Variants in BTBD9 observed in about 807,000 individuals in gnomAD.
BTBD9 encodes BTB domain containing 9.
In BTBD9, 49 loss-of-function variants were observed where a neutral mutation model predicts 64.3. The ratio of observed to expected loss-of-function variants is 0.76; its 90% CI spans 0.61 to 0.97. The LOEUF (loss-of-function observed/expected upper bound fraction) is 0.97, where lower values mean the gene tolerates loss of function less well. BTBD9 is among the 50% of genes least tolerant of loss of function. The probability of loss-of-function intolerance (pLI) is 0.00; values close to 1 mark genes in which losing one functional copy is unlikely to be tolerated. For missense variants in BTBD9, 598 were observed against 762.1 expected (o/e 0.78, Z 2.53); for synonymous variants, 260 against 274.7 (o/e 0.95, Z 0.53).
chr6:38,205,306 A>G (rs1173236295), intron 9 of BTBD9, among the ~76,000 whole-genome samples: 1 of 152,190 alleles, frequency 6.6e-6, no homozygotes, highest in Non-Finnish European at 1.5e-5. Flanking sequence ...GAAGATCTTA[A>G]AAGTTCTGGA....
At chr6:38,212,830 G>A (rs1762880388) in intron 9 of BTBD9, among the ~76,000 whole-genome samples, 1 of 152,102 alleles carries the variant, frequency 6.6e-6, no homozygotes, top group Non-Finnish European at 1.5e-5. Context: ...GGCTCCGTGT[G>A]GCTGTCCAAT....
At chr6:38,199,797 G>C (rs996264645) in intron 9 of BTBD9, among the ~76,000 whole-genome samples, 10 of 152,210 alleles carry the variant, frequency 6.6e-5, no homozygotes, top group Admixed American at 1.3e-4. Flanking sequence ...ATAACCCTCA[G>C]TGAAGCCCAC....
At chr6:38,329,128 ATG>A (rs1428787808) in intron 7 of BTBD9, among the ~76,000 whole-genome samples, 1 of 151,738 alleles carries the variant, frequency 6.6e-6, no homozygotes, top group Non-Finnish European at 1.5e-5. Flanking sequence ...AGAAATTTTG[ATG>A]TGTGAGTGTG....
intron 6 of BTBD9, among the ~76,000 whole-genome samples, chr6:38,538,297 A>C (rs1774114311): frequency 6.6e-6 from 1 of 152,186 alleles, no homozygotes; most frequent in African/African-American, 2.4e-5. Context: ...CAAGAGACAG[A>C]ATTGCAAATT....
At chr6:38,552,423 G>A (rs755898255) in intron 6 of BTBD9, among the ~76,000 whole-genome samples, 21 of 152,144 alleles carry the variant, frequency 1.4e-4, no homozygotes, top group Non-Finnish European at 2.2e-4. Context: ...CTAACTCATC[G>A]CAAGATACTC....
chr6:38,501,806 A>AAGG (rs58107717), intron 6 of BTBD9, among the ~76,000 whole-genome samples: 131,631 of 151,970 alleles, frequency 0.87, 57,328 homozygotes, highest in South Asian at 0.91. Flanking sequence ...GCCAGACATT[A>AAGG]AGATTTGCAA....
chr6:38,603,227 T>C (rs1308128699), intron 1 of BTBD9, among the ~76,000 whole-genome samples: 2 of 152,156 alleles, frequency 1.3e-5, no homozygotes, highest in Non-Finnish European at 2.9e-5. Context: ...TACACAATTA[T>C]TAGTTTTGGA....
At chr6:38,317,051 A>C (rs1031954716) in intron 7 of BTBD9, among the ~76,000 whole-genome samples, 9 of 152,054 alleles carry the variant, frequency 5.9e-5, no homozygotes, top group African/African-American at 1.7e-4. Context: ...GCTGGAGTGC[A>C]ATGGTGTGAT....
At chr6:38,535,256 C>T (rs576204946) in intron 6 of BTBD9, among the ~76,000 whole-genome samples, 19 of 151,902 alleles carry the variant, frequency 1.3e-4, no homozygotes, top group Admixed American at 9.8e-4. Flanking sequence ...CCATTTACAA[C>T]AGGTACACAT....
At chr6:38,291,704 G>A (rs934836281) in intron 7 of BTBD9, among the ~76,000 whole-genome samples, 3 of 152,102 alleles carry the variant, frequency 2.0e-5, no homozygotes, top group Non-Finnish European at 4.4e-5. Flanking sequence ...TAGCATGAAG[G>A]GGTGTTGAAT....
intron 2 of BTBD9, among the ~76,000 whole-genome samples, chr6:38,596,440 G>T (rs1034211624): frequency 6.6e-6 from 1 of 151,976 alleles, no homozygotes; most frequent in Non-Finnish European, 1.5e-5. Context: ...AATTATTTTT[G>T]AAAGAGGACA....
chr6:38,465,810 T>C (rs1770356889), intron 6 of BTBD9, among the ~76,000 whole-genome samples: 1 of 135,752 alleles, frequency 7.4e-6, no homozygotes, highest in African/African-American at 2.7e-5. Flanking sequence ...CTTAGGTAAT[T>C]TTTATCTTTT....
At chr6:38,248,918 A>G (rs9366950) in intron 9 of BTBD9, among the ~76,000 whole-genome samples, 19,510 of 152,252 alleles carry the variant, frequency 0.13, 1,856 homozygotes, top group East Asian at 0.45. Context: ...ATACCGAAGC[A>G]AACTGAGCAG....
At chr6:38,372,731 G>A (rs143835688) in intron 6 of BTBD9, among the ~76,000 whole-genome samples, 35 of 152,218 alleles carry the variant, frequency 2.3e-4, no homozygotes, top group African/African-American at 8.2e-4. Flanking sequence ...CCATTCAGAC[G>A]ACATAAGCCT....
intron 1 of BTBD9, among the ~76,000 whole-genome samples, chr6:38,599,800 AC>A (rs1562402048): frequency 6.6e-6 from 1 of 152,200 alleles, no homozygotes; most frequent in Non-Finnish European, 1.5e-5. Context: ...GCTTTAGTTA[AC>A]CTACCACCAT....
At chr6:38,525,404 C>A (rs1018952049) in intron 6 of BTBD9, among the ~76,000 whole-genome samples, 4 of 152,166 alleles carry the variant, frequency 2.6e-5, no homozygotes, top group African/African-American at 9.7e-5. Flanking sequence ...CAGGTAGTAT[C>A]TTTATAGCAG....
At chr6:38,484,290 T>G (rs773459536) in intron 6 of BTBD9, among the ~76,000 whole-genome samples, 4 of 152,200 alleles carry the variant, frequency 2.6e-5, no homozygotes, top group Non-Finnish European at 5.9e-5. Flanking sequence ...TAGTTGTTTT[T>G]TAAATGTCTA....
At chr6:38,432,514 T>G (rs1768490185) in intron 6 of BTBD9, among the ~76,000 whole-genome samples, 1 of 151,996 alleles carries the variant, frequency 6.6e-6, no homozygotes, top group Admixed American at 6.5e-5. Flanking sequence ...AATGTAGGCA[T>G]AGTTTCCATA....
At chr6:38,283,215 C>T (rs1376450417) in intron 8 of BTBD9, among the ~76,000 whole-genome samples, 1 of 152,230 alleles carries the variant, frequency 6.6e-6, no homozygotes, top group Non-Finnish European at 1.5e-5. Flanking sequence ...GAAGGTTCTA[C>T]TTGCCTACCC....
Sources: gnomAD v4.1 joint callset for allele counts (sites outside exome capture counted in the v4.1 genomes callset) on GRCh38, gnomAD v4.1.1 for gene constraint, MANE v1.5 for transcripts, NCBI Gene and HGNC (gene_info 2026-07-23, HGNC 2026-07-21) for gene names.